Variants in RBFOX3 observed in about 807,000 individuals in gnomAD.
The protein encoded by RBFOX3 is RNA binding fox-1 homolog 3.
In RBFOX3, 17 loss-of-function variants were observed where a neutral mutation model predicts 48.7. The ratio of observed to expected loss-of-function variants is 0.35; its 90% confidence interval spans 0.24 to 0.52. The LOEUF is 0.52. RBFOX3 is among the 20% of genes least tolerant of loss of function. The probability of loss-of-function intolerance (pLI) is 0.94; values close to 1 mark genes in which losing one functional copy is unlikely to be tolerated. For synonymous variants in RBFOX3, 212 were observed against 209.5 expected, an observed-to-expected ratio of 1.01 and a Z score of -0.10; for missense variants, 382 against 497.5, an observed-to-expected ratio of 0.77 and a Z score of 2.21.
intron 4 of RBFOX3, among the ~76,000 whole-genome samples, chr17:79,160,407 T>C (rs2046741148): frequency 6.6e-6 from 1 of 152,162 alleles, no homozygotes; most frequent in Admixed American, 6.5e-5. Context: ...AGACCCAACG[T>C]GGTCTCTGGA....
At chr17:79,303,808 G>A (rs2075684143) in intron 3 of RBFOX3, among the ~76,000 whole-genome samples, 1 of 151,692 alleles carries the variant, frequency 6.6e-6, no homozygotes, top group Non-Finnish European at 1.5e-5. Flanking sequence ...TGCGTGTGCG[G>A]TACACAGTGT....
At chr17:79,531,475 G>T (rs1660291774) in intron 1 of RBFOX3, among the ~76,000 whole-genome samples, 1 of 152,234 alleles carries the variant, frequency 6.6e-6, no homozygotes, top group African/African-American at 2.4e-5. Context: ...TAGAACGCGT[G>T]ATGGCTGGCT....
intron 1 of RBFOX3, among the ~76,000 whole-genome samples, chr17:79,530,238 G>T (rs2150073247): frequency 6.6e-6 from 1 of 152,264 alleles, no homozygotes; most frequent in South Asian, 2.1e-4. Context: ...GGGCCAAGCT[G>T]GGGTGAGGCA....
rs548719992 is a variant in RBFOX3 at position 79,391,142 on chromosome 17, A to G, written c.-174-83318T>C. Among the ~76,000 whole-genome samples the G allele has an allele frequency of 5.3e-5, 8 of 152,202 alleles. No homozygotes were observed. In the South Asian group the frequency reaches 1.0e-3, roughly 20 times the overall value. Reference sequence around the variant, plus strand: ...CTGATACCAGCCTCTCTTTTTCCAGACAGTCTGATTAACTTTTCTAAAACC... The same window carrying G: ...CTGATACCAGCCTCTCTTTTTCCAGGCAGTCTGATTAACTTTTCTAAAACC... On this transcript the variant is annotated intron_variant, in intron 2 of 14. Coordinates refer to ENST00000693108, the MANE Select transcript of RBFOX3 (RefSeq NM_001350451.2). This position sits in a 1 kb window ranked among gnomAD's most constrained non-coding sequence, Gnocchi z 5.0.
intron 1 of RBFOX3, among the ~76,000 whole-genome samples, chr17:79,520,316 T>C (rs2085878266): frequency 6.6e-6 from 1 of 152,178 alleles, no homozygotes; most frequent in Non-Finnish European, 1.5e-5. Flanking sequence ...AGCCGGAGAC[T>C]GGGGACGTGC....
chr17:79,618,858 G>A, the RBFOX3 span, among the ~76,000 whole-genome samples: 2 of 152,144 alleles, frequency 1.3e-5, no homozygotes, highest in Non-Finnish European at 2.9e-5. Flanking sequence ...AGGCTCAGCA[G>A]GCCTGGGAGA....
At chr17:79,304,952 C>T (rs2075891681) in intron 3 of RBFOX3, among the ~76,000 whole-genome samples, 1 of 152,204 alleles carries the variant, frequency 6.6e-6, no homozygotes, top group African/African-American at 2.4e-5. Context: ...CCCCTCCCTC[C>T]CACCGCGTCT....
the RBFOX3 span, among the ~76,000 whole-genome samples, chr17:79,651,840 TC>T: frequency 3.2e-5 from 3 of 94,786 alleles, no homozygotes; most frequent in East Asian, 3.3e-4. Context: ...CTCTCTCTCT[TC>T]TCTCTCTTTC....
At chr17:79,138,085 G>A (rs770013283) in intron 4 of RBFOX3, among the ~76,000 whole-genome samples, 2 of 152,156 alleles carry the variant, frequency 1.3e-5, no homozygotes, top group Non-Finnish European at 2.9e-5. Flanking sequence ...CGCGGACAAG[G>A]CACGCTCGTG....
At chr17:79,290,798 A>C (rs371400839) in intron 3 of RBFOX3, among the ~76,000 whole-genome samples, 22 of 152,308 alleles carry the variant, frequency 1.4e-4, no homozygotes, top group African/African-American at 4.6e-4. Flanking sequence ...TGGTGGCTGG[A>C]GAGGCTCTAC....
chr17:79,394,633 A>G (rs2061766098), intron 2 of RBFOX3, among the ~76,000 whole-genome samples: 1 of 152,252 alleles, frequency 6.6e-6, no homozygotes, highest in African/African-American at 2.4e-5. Flanking sequence ...AGGTCCACAG[A>G]GTAAACAAAT....
intron 9 of RBFOX3, chr17:79,099,013 T>A (rs1400023240): frequency 2.0e-5 from 3 of 152,250 alleles, no homozygotes; most frequent in African/African-American, 4.8e-5. Flanking sequence ...GGCCAAGTCT[T>A]CACCCCACCC....
intron 1 of RBFOX3, among the ~76,000 whole-genome samples, chr17:79,575,990 G>A (rs2092845028): frequency 6.6e-6 from 1 of 152,228 alleles, no homozygotes; most frequent in South Asian, 2.1e-4. Context: ...CCAGGCCATA[G>A]TCTCTAGGGA....
chr17:79,408,128 G>A (rs76816019), intron 2 of RBFOX3, among the ~76,000 whole-genome samples: 1 of 152,144 alleles, frequency 6.6e-6, no homozygotes, highest in African/African-American at 2.4e-5. Context: ...CTGTGAAGTG[G>A]GGGGAGAAGG....
At chr17:79,132,511 A>G (rs2039191685) in intron 4 of RBFOX3, among the ~76,000 whole-genome samples, 1 of 152,228 alleles carries the variant, frequency 6.6e-6, no homozygotes, top group East Asian at 1.9e-4. Context: ...CCTCGGAGCC[A>G]ACAGGAAACA....
At chr17:79,101,939 C>G (rs948124071) in intron 8 of RBFOX3, among the ~76,000 whole-genome samples, 5 of 152,232 alleles carry the variant, frequency 3.3e-5, no homozygotes, top group African/African-American at 9.7e-5. Flanking sequence ...TGGAGCAGCT[C>G]CCTGGTGGAC....
chr17:79,450,151 C>A (rs782291102), intron 2 of RBFOX3, among the ~76,000 whole-genome samples: 2 of 152,212 alleles, frequency 1.3e-5, no homozygotes, highest in Non-Finnish European at 2.9e-5. Flanking sequence ...ACTCTCTCAA[C>A]ATGGATGCCA....
At chr17:79,342,535 A>T (rs7220493) in intron 2 of RBFOX3, among the ~76,000 whole-genome samples, 3 of 152,086 alleles carry the variant, frequency 2.0e-5, no homozygotes, top group East Asian at 3.9e-4. Context: ...TGGGATCCCA[A>T]AGCCTGCAAT....
At chr17:79,441,553 G>A (rs1555734846) in intron 2 of RBFOX3, among the ~76,000 whole-genome samples, 1 of 152,208 alleles carries the variant, frequency 6.6e-6, no homozygotes, top group Non-Finnish European at 1.5e-5. Context: ...CCCCAGATCT[G>A]GGAGAGAGGC....
Sources: allele counts gnomAD v4.1 joint callset (sites outside exome capture counted in the v4.1 genomes callset), GRCh38; gene constraint gnomAD v4.1.1; non-coding constraint Gnocchi (gnomAD v3.1); transcripts MANE v1.5; gene names NCBI Gene and HGNC (gene_info 2026-07-23, HGNC 2026-07-21).